Variants in SYN3 observed in about 807,000 individuals in gnomAD.
SYN3 encodes synapsin-3.
Under a neutral mutation model 65.8 loss-of-function variants are expected in SYN3, and 35 were observed. The ratio of observed to expected loss-of-function variants is 0.53; its 90% confidence interval spans 0.41 to 0.70. The LOEUF is 0.70. SYN3 is among the 30% of genes least tolerant of loss of function. The pLI, the probability that SYN3 is intolerant of heterozygous loss-of-function variation, is 0.00. For synonymous variants in SYN3, 270 were observed against 292.9 expected, an observed-to-expected ratio of 0.92 and a Z score of 0.80; for missense variants, 680 against 749.0, an observed-to-expected ratio of 0.91 and a Z score of 1.08.
chr22:33,008,250 C>T (rs1217847969), intron 1 of SYN3, among the ~76,000 whole-genome samples: 2 of 152,144 alleles, frequency 1.3e-5, no homozygotes, highest in Non-Finnish European at 2.9e-5. Flanking sequence ...ATTTTTATTG[C>T]AGTAAAATTT....
chr22:33,031,538 T>A (rs1186948134), intron 1 of SYN3, among the ~76,000 whole-genome samples: 1 of 152,142 alleles, frequency 6.6e-6, no homozygotes, highest in Admixed American at 6.5e-5. Flanking sequence ...GGGTTCTCCC[T>A]GTTTACTCTT....
chr22:32,675,067 C>T (rs1311608067), intron 6 of SYN3, among the ~76,000 whole-genome samples: 3 of 152,168 alleles, frequency 2.0e-5, no homozygotes, highest in African/African-American at 7.2e-5. Flanking sequence ...TCCCTCTAGT[C>T]TGAGCTCTTG....
chr22:32,729,851 C>G (rs775424573), intron 6 of SYN3, among the ~76,000 whole-genome samples: 3 of 152,088 alleles, frequency 2.0e-5, no homozygotes, highest in Non-Finnish European at 2.9e-5. Flanking sequence ...CCACTTTGAC[C>G]CTCAGTTTCT....
chr22:32,869,367 T>TCTCTCTCTCA (rs61464794), intron 4 of SYN3, among the ~76,000 whole-genome samples: 6,480 of 142,152 alleles, frequency 0.046, 214 homozygotes, highest in Non-Finnish European at 0.063. Flanking sequence ...TCTCTCTCTC[T>TCTCTCTCTCA]CACAGGCTCT....
chr22:32,891,932 A>G (rs1388638606), intron 4 of SYN3, among the ~76,000 whole-genome samples: 1 of 151,846 alleles, frequency 6.6e-6, no homozygotes, highest in Non-Finnish European at 1.5e-5. Flanking sequence ...TCTATATAAA[A>G]GGTATTATTT....
chr22:32,828,444 A>G (rs1316854833), intron 6 of SYN3, among the ~76,000 whole-genome samples: 2 of 152,272 alleles, frequency 1.3e-5, no homozygotes, highest in Non-Finnish European at 2.9e-5. Context: ...AAAAGGTCAG[A>G]GATCCAATCC....
intron 6 of SYN3, among the ~76,000 whole-genome samples, chr22:32,798,970 C>T (rs1011972856): frequency 7.9e-5 from 12 of 151,906 alleles, no homozygotes; most frequent in African/African-American, 2.7e-4. Context: ...GGATTACAGG[C>T]GTGAGCCACC....
intron 6 of SYN3, among the ~76,000 whole-genome samples, chr22:32,688,967 A>C (rs1019347571): frequency 5.1e-4 from 77 of 152,344 alleles, no homozygotes; most frequent in African/African-American, 1.7e-3. Context: ...AACCGACCTA[A>C]GACCCCAAGC....
rs967952012 is a variant in SYN3 at position 32,712,715 on chromosome 22, C to T, written c.712-115979G>A. Among the ~76,000 whole-genome samples, 10 of 152,160 alleles carry T rather than the reference C, an allele frequency of 6.6e-5. 1 individual carries two copies. Among genetic ancestry groups the T allele is most frequent in the Non-Finnish European group, 1.5e-5 (1 of 68,032 alleles). ...GTTCATCTGCTCAGTGCCCTCTCCTCCCCTTTGCCCCTTTCTCACTCAGCT... is the reference window on the plus strand; with the variant it reads ...GTTCATCTGCTCAGTGCCCTCTCCTTCCCTTTGCCCCTTTCTCACTCAGCT... On this transcript the variant is annotated intron_variant, in intron 6 of 13. Transcript: ENST00000358763.
At chr22:33,014,107 G>T (rs2053413631) in intron 1 of SYN3, among the ~76,000 whole-genome samples, 1 of 151,466 alleles carries the variant, frequency 6.6e-6, no homozygotes, top group African/African-American at 2.4e-5. Flanking sequence ...AGGGGGCGGG[G>T]CTCTCACTAT....
At position 32,700,027 on chromosome 22, in the gene SYN3, C is replaced by T. The variant is rs145254292; in HGVS notation, c.712-103291G>A. Among the ~76,000 whole-genome samples the T allele has an allele frequency of 1.9e-3, 291 of 152,224 alleles. 2 individuals carry two copies. The highest frequency in any genetic ancestry group is 6.6e-3 in the African/African-American group (276 of 41,550). On this transcript the variant is annotated intron_variant, in intron 6 of 13. Transcript: ENST00000358763. ...AATATTATACAATGAATCTCAGGCC[C>T]GGAACTCAGGTTCTCTGCTCCTAGA...
At chr22:32,754,732 C>G (rs1244511970) in intron 6 of SYN3, among the ~76,000 whole-genome samples, 1 of 152,238 alleles carries the variant, frequency 6.6e-6, no homozygotes. Context: ...GATGCCTTTG[C>G]TCCTTCGGCA....
intron 2 of SYN3, 87 bp from the exon 3 acceptor site, chr22:32,980,789 C>G: frequency 8.9e-7 from 1 of 1,119,892 alleles, no homozygotes; most frequent in Non-Finnish European, 1.4e-6. Context: ...CCCAGAGGTG[C>G]ATATTGAGAC....
chr22:32,947,167 T>G (rs554238928), intron 3 of SYN3, among the ~76,000 whole-genome samples: 1 of 152,328 alleles, frequency 6.6e-6, no homozygotes, highest in South Asian at 2.1e-4. Context: ...TGCTCTTAAC[T>G]CTCTTCATCT....
At chr22:32,892,806 C>T (rs2049489007) in intron 4 of SYN3, among the ~76,000 whole-genome samples, 1 of 152,062 alleles carries the variant, frequency 6.6e-6, no homozygotes, top group South Asian at 2.1e-4. Context: ...TGCATGAATG[C>T]CAGTTTGCTG....
chr22:32,944,155 C>A (rs1400770391), intron 3 of SYN3, among the ~76,000 whole-genome samples: 1 of 152,198 alleles, frequency 6.6e-6, no homozygotes, highest in Non-Finnish European at 1.5e-5. Context: ...GTCTTCTCAG[C>A]ATCACATCAC....
intron 1 of SYN3, among the ~76,000 whole-genome samples, chr22:33,045,210 C>T (rs906626041): frequency 3.3e-5 from 5 of 152,166 alleles, no homozygotes; most frequent in African/African-American, 1.2e-4. Flanking sequence ...GCAAACCTGA[C>T]ACTTAGTAAT....
chr22:32,922,272 C>T (rs2050354094), intron 4 of SYN3, among the ~76,000 whole-genome samples: 1 of 152,180 alleles, frequency 6.6e-6, no homozygotes, highest in South Asian at 2.1e-4. Context: ...GGCTTGAATC[C>T]TAGCTTTGCC....
intron 6 of SYN3, among the ~76,000 whole-genome samples, chr22:32,660,410 G>C (rs4820089): frequency 1.3e-5 from 2 of 151,958 alleles, no homozygotes; most frequent in Admixed American, 6.5e-5. Flanking sequence ...ACACGGCTCC[G>C]TGTGCCCACC....
Sources: gnomAD v4.1 joint callset for allele counts (sites outside exome capture counted in the v4.1 genomes callset) on GRCh38, gnomAD v4.1.1 for gene constraint, MANE v1.5 for transcripts, NCBI Gene and HGNC (gene_info 2026-07-23, HGNC 2026-07-21) for gene names.